The following DRC11 variants were observed in gnomAD, a reference collection of about 807,000 sequenced individuals.
DRC11 encodes IQ and AAA domain-containing protein 1.
chr2:236,416,721 T>TTTA, the DRC11 span, among the ~76,000 whole-genome samples: 1 of 64,248 alleles, frequency 1.6e-5, no homozygotes, highest in Admixed American at 2.0e-4. Context: ...ATATATATAT[T>TTTA]TATATATATA....
chr2:236,408,203 C>T, the DRC11 span: 3 of 764,492 alleles, frequency 3.9e-6, no homozygotes, highest in African/African-American at 1.7e-5. The surrounding 1 kb of genome is among the most constrained non-coding windows in gnomAD (Gnocchi z 5.5). Context: ...ATAAGGTAGC[C>T]CTGGCCGATC....
chr2:236,329,454 T>A, the DRC11 span, among the ~76,000 whole-genome samples: 1 of 152,222 alleles, frequency 6.6e-6, no homozygotes, highest in Non-Finnish European at 1.5e-5. Context: ...TTATTAGACT[T>A]ACTATCATCG....
the DRC11 span, among the ~76,000 whole-genome samples, chr2:236,450,216 T>C: frequency 1.3e-5 from 2 of 152,262 alleles, no homozygotes; most frequent in African/African-American, 4.8e-5. Flanking sequence ...ATGGGTCCAA[T>C]TTTCTTTGAA....
chr2:236,329,550 T>G, the DRC11 span, among the ~76,000 whole-genome samples: 2 of 152,192 alleles, frequency 1.3e-5, no homozygotes, highest in Non-Finnish European at 2.9e-5. Flanking sequence ...TGAGATAACG[T>G]TGTCGGAAGC....
the DRC11 span, among the ~76,000 whole-genome samples, chr2:236,378,670 G>A: frequency 8.8e-4 from 125 of 142,234 alleles, no homozygotes; most frequent in Admixed American, 3.6e-3. Context: ...GCGAGACTCC[G>A]TCTCAAAAAA....
At chr2:236,429,105 G>A in the DRC11 span, among the ~76,000 whole-genome samples, 1 of 152,174 alleles carries the variant, frequency 6.6e-6, no homozygotes, top group African/African-American at 2.4e-5. This position sits in a 1 kb window ranked among gnomAD's most constrained non-coding sequence, Gnocchi z 5.9. Flanking sequence ...GCAGCAGGGT[G>A]GGGGGACAGA....
chr2:236,420,194 G>A, the DRC11 span, among the ~76,000 whole-genome samples: 2 of 152,204 alleles, frequency 1.3e-5, no homozygotes, highest in Non-Finnish European at 2.9e-5. This position sits in a 1 kb window ranked among gnomAD's most constrained non-coding sequence, Gnocchi z 4.8. Flanking sequence ...CTGTTTTATG[G>A]ATGAGGGAAC....
chr2:236,345,561 T>G, the DRC11 span, among the ~76,000 whole-genome samples: 4 of 152,070 alleles, frequency 2.6e-5, no homozygotes, highest in Non-Finnish European at 4.4e-5. Context: ...CACGAGGCTA[T>G]TTGTTCATCT....
the DRC11 span, among the ~76,000 whole-genome samples, chr2:236,370,798 G>T: frequency 9.5e-3 from 1,439 of 151,008 alleles, 27 homozygotes; most frequent in African/African-American, 0.033. This position sits in a 1 kb window ranked among gnomAD's most constrained non-coding sequence, Gnocchi z 5.5. Context: ...AGCAAGCAGT[G>T]GGGTGGGTGG....
the DRC11 span, among the ~76,000 whole-genome samples, chr2:236,349,796 T>C: frequency 1.4e-4 from 22 of 152,290 alleles, no homozygotes; most frequent in Non-Finnish European, 2.6e-4. The surrounding 1 kb of genome is among the most constrained non-coding windows in gnomAD (Gnocchi z 5.5). Context: ...GCCTGGGCGA[T>C]GAAATAATCT....
the DRC11 span, among the ~76,000 whole-genome samples, chr2:236,428,287 ATTGATT>A: frequency 6.6e-6 from 1 of 152,044 alleles, no homozygotes; most frequent in African/African-American, 2.4e-5. Flanking sequence ...TTGTTTCCTT[ATTGATT>A]TTATGTTTGA....
At chr2:236,440,124 C>G in the DRC11 span, among the ~76,000 whole-genome samples, 2 of 152,162 alleles carry the variant, frequency 1.3e-5, no homozygotes, top group African/African-American at 4.8e-5. Context: ...AGAGATAAAG[C>G]ATGCACATGA....
the DRC11 span, among the ~76,000 whole-genome samples, chr2:236,406,272 A>G: frequency 6.6e-6 from 1 of 152,192 alleles, no homozygotes; most frequent in Non-Finnish European, 1.5e-5. This position sits in a 1 kb window ranked among gnomAD's most constrained non-coding sequence, Gnocchi z 4.7. Context: ...GCCCTCCCCA[A>G]ATGTTAACTA....
At chr2:236,361,826 T>C in the DRC11 span, among the ~76,000 whole-genome samples, 2 of 152,206 alleles carry the variant, frequency 1.3e-5, no homozygotes, top group Non-Finnish European at 1.5e-5. This position sits in a 1 kb window ranked among gnomAD's most constrained non-coding sequence, Gnocchi z 5.7. Context: ...TGTTGTCAGA[T>C]TGAAGAAGAA....
chr2:236,318,001 C>T, the DRC11 span, among the ~76,000 whole-genome samples: 1 of 152,254 alleles, frequency 6.6e-6, no homozygotes, highest in Non-Finnish European at 1.5e-5. This position sits in a 1 kb window ranked among gnomAD's most constrained non-coding sequence, Gnocchi z 7.0. Flanking sequence ...ACACCGGTCT[C>T]ACGGTGCGGT....
the DRC11 span, among the ~76,000 whole-genome samples, chr2:236,447,209 C>A: frequency 6.6e-6 from 1 of 151,610 alleles, no homozygotes; most frequent in Non-Finnish European, 1.5e-5. This position sits in a 1 kb window ranked among gnomAD's most constrained non-coding sequence, Gnocchi z 4.6. Flanking sequence ...TAGTCACATG[C>A]AGACGTCCAA....
the DRC11 span, among the ~76,000 whole-genome samples, chr2:236,315,999 A>G: frequency 6.6e-6 from 1 of 152,212 alleles, no homozygotes; most frequent in African/African-American, 2.4e-5. This position sits in a 1 kb window ranked among gnomAD's most constrained non-coding sequence, Gnocchi z 5.1. Context: ...CTGGAACTTA[A>G]AATAAAAGCT....
the DRC11 span, among the ~76,000 whole-genome samples, chr2:236,484,712 A>T: frequency 2.0e-5 from 3 of 152,104 alleles, no homozygotes; most frequent in Admixed American, 1.3e-4. Context: ...AACCCTCAGT[A>T]GCAGTCCCTG....
At chr2:236,491,172 TATATATATACAC>T in the DRC11 span, among the ~76,000 whole-genome samples, 1 of 96,976 alleles carries the variant, frequency 1.0e-5, no homozygotes, top group Non-Finnish European at 1.9e-5. Context: ...TATATATATA[TATATATATACAC>T]ACAGTATATA....
Sources: allele counts gnomAD v4.1 joint callset (sites outside exome capture counted in the v4.1 genomes callset), GRCh38; gene constraint gnomAD v4.1.1; non-coding constraint Gnocchi (gnomAD v3.1); transcripts MANE v1.5; gene names NCBI Gene and HGNC (gene_info 2026-07-23, HGNC 2026-07-21).